The following CACNA1B variants were observed in gnomAD, a reference collection of about 807,000 sequenced individuals.
CACNA1B encodes the protein calcium voltage-gated channel subunit alpha1 B.
In CACNA1B, 70 loss-of-function variants were observed where a neutral mutation model predicts 247.2. The observed-to-expected ratio is 0.28, with a 90% CI of 0.23 to 0.35. CACNA1B has a LOEUF of 0.35. CACNA1B is among the 10% of genes least tolerant of loss of function. The pLI is 1.00. For missense variants in CACNA1B, 2,367 were observed against 3,197.4 expected, an observed-to-expected ratio of 0.74 and a Z score of 6.26; for synonymous variants, 1,231 against 1,294.4, an observed-to-expected ratio of 0.95 and a Z score of 1.05.
chr9:138,104,195 C>T (rs1294561172), intron 38 of CACNA1B, among the ~76,000 whole-genome samples: 2 of 152,230 alleles, frequency 1.3e-5, no homozygotes, highest in African/African-American at 4.8e-5. Context: ...TTGGAGGGCC[C>T]AGGGCAGAGA....
In CACNA1B at chr9:138,108,750, G is replaced by A. The variant is rs189488574; in HGVS notation, c.5428+2943G>A. Among the ~76,000 whole-genome samples, 1,171 of 151,964 alleles carry A rather than the reference G, an allele frequency of 7.7e-3. 19 individuals carry two copies. The highest frequency in any genetic ancestry group is 0.027 in the African/African-American group (1,118 of 41,456). On this transcript the variant is annotated intron_variant, in intron 39 of 46. Coordinates refer to ENST00000371372, the MANE Select transcript of CACNA1B (RefSeq NM_000718.4). ...TACAAGCTCTGCCTCCTGGGTTCACGCCATTCTCCTGCCTCAGCCTCCCGA... is the reference window on the plus strand; with the variant it reads ...TACAAGCTCTGCCTCCTGGGTTCACACCATTCTCCTGCCTCAGCCTCCCGA...
At position 138,058,848 on chromosome 9, in the gene CACNA1B, G is replaced by T; in HGVS notation, c.4473+115G>T. The T allele has an allele frequency of 3.2e-6, 3 of 949,642 alleles. 1 individual carries two copies. The South Asian group carries it at 4.4e-5, about 14-fold the overall frequency. The allele number at this position is 949,642 out of a possible 1,614,324, so 58.8% of individuals were successfully genotyped here. A position where few individuals can be genotyped will look rare whatever the true frequency, so the allele number is the denominator to read the frequency against. The stretch of plus-strand genomic sequence containing the variant: ...CCCTGCATGAGCCAAAGCAGTAGTG[G>T]CCTTGCATCCTGGCCAGCATGGGAT... On this transcript the variant is annotated intron_variant, in intron 29 of 46. Transcript: ENST00000371372. The surrounding 1 kb of genome is among the most constrained non-coding windows in gnomAD (Gnocchi z 4.7).
Position 137,919,263 on chromosome 9 carries a change from G to A in CACNA1B, c.966+1832G>A, listed in dbSNP as rs1026448141. ...CTCCGCTTACACAGTGGTGAGCAGA[G>A]GCATTCGACACGTAAGGGCATGGAC... On this transcript the variant is annotated intron_variant, in intron 6 of 46. Transcript: ENST00000371372. The surrounding 1 kb of genome is among the most constrained non-coding windows in gnomAD (Gnocchi z 4.6). Among the ~76,000 whole-genome samples the A allele has an allele frequency of 1.3e-5, 2 of 152,268 alleles. No homozygotes were observed. Among genetic ancestry groups the A allele is most frequent in the Non-Finnish European group, 2.9e-5 (2 of 68,042 alleles).
At chr9:138,111,656 A>C (rs1034877545) in intron 39 of CACNA1B, among the ~76,000 whole-genome samples, 1 of 152,240 alleles carries the variant, frequency 6.6e-6, no homozygotes, top group Non-Finnish European at 1.5e-5. Context: ...AATAAACCTG[A>C]TGTTCAAGAA....
At chr9:138,000,907 T>C (rs1203234034) in intron 15 of CACNA1B, among the ~76,000 whole-genome samples, 1 of 152,236 alleles carries the variant, frequency 6.6e-6, no homozygotes, top group East Asian at 1.9e-4. Flanking sequence ...TGTTACAATT[T>C]TTATTTGTGC....
intron 23 of CACNA1B, 99 bp downstream of exon 23, chr9:138,047,557 A>T: frequency 1.3e-6 from 1 of 798,638 alleles, no homozygotes; most frequent in Middle Eastern, 2.3e-4. Flanking sequence ...ATTTCTATAA[A>T]CTCTTAAGAC....
In CACNA1B at chr9:138,050,917, G is replaced by A. The variant is rs755075318; in HGVS notation, c.3711-1175G>A. Among the ~76,000 whole-genome samples, 1 of 152,118 alleles carries A rather than the reference G, an allele frequency of 6.6e-6. No homozygotes were observed. Among genetic ancestry groups the A allele is most frequent in the Admixed American group, 6.5e-5 (1 of 15,280 alleles). ...CAGGGGAGAAGAAGGGGACCAGGGTGCCTGAGACGTGTAGCTCACTCTCCC... is the reference window on the plus strand; with the variant it reads ...CAGGGGAGAAGAAGGGGACCAGGGTACCTGAGACGTGTAGCTCACTCTCCC... On this transcript the variant is annotated intron_variant, in intron 24 of 46. Transcript: ENST00000371372. The surrounding 1 kb of genome is among the most constrained non-coding windows in gnomAD (Gnocchi z 5.2).
chr9:138,098,154 G>A (rs1216192233), intron 37 of CACNA1B, among the ~76,000 whole-genome samples: 1 of 152,228 alleles, frequency 6.6e-6, no homozygotes, highest in Non-Finnish European at 1.5e-5. Context: ...CAGTGTATAT[G>A]ACAATTTCCG....
rs547522913 is a variant in CACNA1B, at chr9:137,952,936, C to T, written c.1070+559C>T. ...GTAGCAGTCACCACTGGGCTCGCCA[C>T]CCTGGCCCTGACTGCTGGTGTCCAC... On this transcript the variant is annotated intron_variant, in intron 7 of 46. Coordinates refer to ENST00000371372, the MANE Select transcript of CACNA1B (RefSeq NM_000718.4). The surrounding 1 kb of genome is among the most constrained non-coding windows in gnomAD (Gnocchi z 4.8). Among the ~76,000 whole-genome samples, 19 of 152,270 alleles carry T rather than the reference C, an allele frequency of 1.2e-4. No individual in the cohort carries two copies. The highest frequency in any genetic ancestry group is 2.6e-4 in the Non-Finnish European group (18 of 68,028).
At chr9:138,022,812 G>GA (rs996213123) in intron 18 of CACNA1B, among the ~76,000 whole-genome samples, 199 bp from the exon 19 acceptor site, 3 of 151,964 alleles carry the variant, frequency 2.0e-5, no homozygotes, top group African/African-American at 7.2e-5. Flanking sequence ...CCGTGGGGGG[G>GA]GGGGGCGGCG....
intron 6 of CACNA1B, among the ~76,000 whole-genome samples, chr9:137,931,120 C>A (rs377274391): frequency 6.6e-6 from 1 of 151,864 alleles, no homozygotes; most frequent in East Asian, 1.9e-4. Context: ...AGGTTCTTGG[C>A]GGTTTGAACA....
intron 20 of CACNA1B, 119 bp downstream of exon 20, chr9:138,025,291 C>T (rs917095494): frequency 3.0e-6 from 2 of 670,190 alleles, no homozygotes; most frequent in Non-Finnish European, 5.3e-6. Flanking sequence ...AATTGTTCTC[C>T]TGGCTGGAGA....
Position 138,102,814 on chromosome 9 carries a change from C to G in CACNA1B, c.5319+7C>G, listed in dbSNP as rs756750798. On this transcript the variant is annotated splice_region_variant and intron_variant, in intron 38 of 46. Coordinates refer to ENST00000371372, the MANE Select transcript of CACNA1B (RefSeq NM_000718.4). This position sits in a 1 kb window ranked among gnomAD's most constrained non-coding sequence, Gnocchi z 5.4. ...TGCTCGAGTTGCTTACAAGGTAGAC[C>G]CTGACCCTGCAACCCGCCCCCCAGG... 2.5e-6 allele frequency: 4 copies of G among 1,583,068 alleles called. No homozygotes were observed. The highest frequency in any genetic ancestry group is 2.6e-6 in the Non-Finnish European group (3 of 1,153,714).
chr9:138,038,448 G>A (rs959602675), intron 20 of CACNA1B, among the ~76,000 whole-genome samples: 1 of 152,218 alleles, frequency 6.6e-6, no homozygotes, highest in Non-Finnish European at 1.5e-5. Context: ...TACTCTGGTG[G>A]CCTTTGCCTC....
chr9:138,106,516 TC>T (rs1380562906), intron 39 of CACNA1B, among the ~76,000 whole-genome samples: 2 of 152,238 alleles, frequency 1.3e-5, no homozygotes, highest in African/African-American at 4.8e-5. Context: ...ATGCCTGTAA[TC>T]CCAGCACTTT....
intron 12 of CACNA1B, among the ~76,000 whole-genome samples, chr9:137,978,417 G>C (rs1036303766): frequency 2.0e-5 from 3 of 149,672 alleles, no homozygotes; most frequent in East Asian, 2.0e-4. Context: ...CCAGGAAGGA[G>C]TGACAGGTGG....
intron 6 of CACNA1B, among the ~76,000 whole-genome samples, chr9:137,951,803 T>C (rs1025753211): frequency 6.6e-6 from 1 of 152,190 alleles, no homozygotes; most frequent in Non-Finnish European, 1.5e-5. Context: ...CTGTTGCCTC[T>C]CAGCTGTGGG....
Position 138,058,707 on chromosome 9 carries a change from C to T in CACNA1B, c.4447C>T (p.Leu1483Phe), listed in dbSNP as rs1465991118. ...FEYFIMAMIA[L>F]NTVVLMMKFY... Reference sequence around the variant, plus strand: ...ATACTTCATCATGGCCATGATAGCCCTCAACACTGTGGTGCTGATGATGAA... The same window carrying T: ...ATACTTCATCATGGCCATGATAGCCTTCAACACTGTGGTGCTGATGATGAA... The change falls in exon 29 of 47, where the codon CTC becomes TTC. Residue 1483 changes from leucine to phenylalanine, a missense_variant. Transcript: ENST00000371372. This position sits in a 1 kb window ranked among gnomAD's most constrained non-coding sequence, Gnocchi z 4.7. The T allele has an allele frequency of 3.1e-6, 5 of 1,609,450 alleles. No homozygotes were observed. The South Asian group carries it at 4.4e-5, about 14-fold the overall frequency.
rs191847324 is a variant in CACNA1B, at chr9:138,050,105, C to G, written c.3710+790C>G. 3.1e-5 allele frequency: 40 copies of G among 1,288,014 alleles called. No homozygotes were observed. Among genetic ancestry groups the G allele is most frequent in the Middle Eastern group, 2.1e-4 (1 of 4,708 alleles). 79.8% of individuals were successfully genotyped at this position (1,288,014 alleles called of 1,614,324 possible). A position where few individuals can be genotyped will look rare whatever the true frequency, so the allele number is the denominator to read the frequency against. On this transcript the variant is annotated intron_variant, in intron 24 of 46. Transcript: ENST00000371372. This position sits in a 1 kb window ranked among gnomAD's most constrained non-coding sequence, Gnocchi z 5.2. ...TCGTGGGGTAATGCCTTCTCTCCCC[C>G]ACACGCTGCCCCTGACATCACAGCA...
Sources: allele counts gnomAD v4.1 joint callset (sites outside exome capture counted in the v4.1 genomes callset), GRCh38; gene constraint gnomAD v4.1.1; non-coding constraint Gnocchi (gnomAD v3.1); transcripts MANE v1.5; gene names NCBI Gene and HGNC (gene_info 2026-07-23, HGNC 2026-07-21).